Variants in EDA observed in about 807,000 individuals in gnomAD.
EDA encodes the protein ectodysplasin-A.
EDA carries 2 observed loss-of-function variants against 23.6 expected under a neutral mutation model. The observed-to-expected ratio is 0.08, with a 90% CI of 0.03 to 0.27. The LOEUF is 0.27. Ranked by LOEUF, EDA falls within the 10% of genes least tolerant of loss-of-function variation. The probability of loss-of-function intolerance (pLI) is 1.00; values close to 1 mark genes in which losing one functional copy is unlikely to be tolerated. For missense variants in EDA, 229 were observed against 324.2 expected, an observed-to-expected ratio of 0.71 and a Z score of 2.26; for synonymous variants, 131 against 132.0, an observed-to-expected ratio of 0.99 and a Z score of 0.05.
chrX:70,023,936 C>T (rs1470795212), intron 3 of EDA, among the ~76,000 whole-genome samples: 2 of 111,875 alleles, frequency 1.8e-5, no homozygotes, highest in African/African-American at 3.3e-5. Context: ...CCCCAGTGTA[C>T]TTGCAATGAA....
intron 1 of EDA, among the ~76,000 whole-genome samples, chrX:69,709,215 A>G (rs1225575512): frequency 8.9e-6 from 1 of 112,163 alleles, no homozygotes; most frequent in Non-Finnish European, 1.9e-5. Context: ...CAGCCAGTAT[A>G]GTCTGTTAAT....
chrX:70,015,624 C>T (rs1454539718), intron 2 of EDA, among the ~76,000 whole-genome samples: 1 of 111,381 alleles, frequency 9.0e-6, no homozygotes, highest in East Asian at 2.8e-4. Flanking sequence ...TCCAGCCAAA[C>T]TAAGCTTCAT....
At chrX:69,846,630 G>T (rs1159901567) in intron 1 of EDA, among the ~76,000 whole-genome samples, 2 of 111,369 alleles carry the variant, frequency 1.8e-5, no homozygotes, top group African/African-American at 3.3e-5. Context: ...CACCAAAAAG[G>T]GGGGGAAAAG....
rs967359144 is a variant in EDA at position 69,925,584 on chromosome X, A to T, written c.397-31443A>T. Among the ~76,000 whole-genome samples the T allele has an allele frequency of 7.2e-5, 8 of 111,312 alleles. No individual in the cohort carries two copies. The South Asian group carries it at 1.9e-3, about 27-fold the overall frequency. On this transcript the variant is annotated intron_variant, in intron 1 of 7. Coordinates refer to ENST00000374552, the MANE Select transcript of EDA (RefSeq NM_001399.5). ...TTTTATTGAGGATTTTTGCATCAAT[A>T]TTCATCAGGAATATTGGCCTGAAGT...
chrX:69,957,355 C>T (rs960519813), intron 2 of EDA: 1 of 359,288 alleles, frequency 2.8e-6, no homozygotes, highest in Non-Finnish European at 5.0e-6. Flanking sequence ...ATTAGCCGGG[C>T]CTAGTCCCAG....
At chrX:69,654,661 A>G (rs367719312) in intron 1 of EDA, among the ~76,000 whole-genome samples, 1 of 110,662 alleles carries the variant, frequency 9.0e-6, no homozygotes, top group Non-Finnish European at 1.9e-5. Context: ...CATGGATGAA[A>G]CTGGAAACCA....
chrX:69,842,954 C>T (rs907501729), intron 1 of EDA, among the ~76,000 whole-genome samples: 1 of 111,818 alleles, frequency 8.9e-6, no homozygotes, highest in Non-Finnish European at 1.9e-5. Context: ...GCTTCCTGTA[C>T]AAGCTGCAGA....
intron 1 of EDA, among the ~76,000 whole-genome samples, chrX:69,895,058 CTTT>C (rs2017991477): frequency 9.0e-6 from 1 of 110,920 alleles, no homozygotes; most frequent in African/African-American, 3.3e-5. Context: ...TCATACATGA[CTTT>C]TTATTATTTT....
intron 1 of EDA, among the ~76,000 whole-genome samples, chrX:69,703,989 T>G (rs1410021433): frequency 8.9e-6 from 1 of 112,136 alleles, no homozygotes; most frequent in African/African-American, 3.2e-5. Flanking sequence ...ATATATAGAG[T>G]TTGGTACTAC....
At chrX:69,667,892 G>A (rs189469658) in intron 1 of EDA, among the ~76,000 whole-genome samples, 1 of 111,913 alleles carries the variant, frequency 8.9e-6, no homozygotes, top group East Asian at 2.8e-4. Flanking sequence ...GCAAGATGGG[G>A]CCAAACTGGC....
At chrX:69,778,867 G>A (rs1025225835) in intron 1 of EDA, among the ~76,000 whole-genome samples, 1 of 111,349 alleles carries the variant, frequency 9.0e-6, no homozygotes, top group Non-Finnish European at 1.9e-5. Context: ...GTTAGCAAAC[G>A]TTTTCTTTAA....
intron 1 of EDA, among the ~76,000 whole-genome samples, chrX:69,633,481 A>G (rs1028454842): frequency 1.8e-5 from 2 of 111,785 alleles, no homozygotes; most frequent in African/African-American, 6.5e-5. Context: ...TTGCCCCCCA[A>G]AGAAACTGTA....
chrX:70,009,847 G>T (rs916273020), intron 2 of EDA, among the ~76,000 whole-genome samples: 1 of 111,659 alleles, frequency 9.0e-6, no homozygotes, highest in Admixed American at 9.5e-5. Context: ...TCAGCTTCCC[G>T]AAGTGCTACG....
chrX:69,631,336 C>A (rs1932572649), intron 1 of EDA, among the ~76,000 whole-genome samples: 1 of 103,630 alleles, frequency 9.6e-6, no homozygotes, highest in African/African-American at 3.6e-5. Context: ...GAGCCAAGAT[C>A]GCACCACTGC....
chrX:69,964,298 T>G (rs1054145618), intron 2 of EDA, among the ~76,000 whole-genome samples: 11 of 109,458 alleles, frequency 1.0e-4, no homozygotes, highest in African/African-American at 3.7e-4. Context: ...ATATAAGGAG[T>G]TTTTTTTTGA....
intron 1 of EDA, among the ~76,000 whole-genome samples, chrX:69,732,258 A>T: frequency 9.1e-6 from 1 of 110,038 alleles, no homozygotes; most frequent in East Asian, 2.9e-4. Flanking sequence ...CCCTTCCACC[A>T]CCCCACAACA....
chrX:69,918,517 A>G (rs1440816900), intron 1 of EDA, among the ~76,000 whole-genome samples: 2 of 112,275 alleles, frequency 1.8e-5, no homozygotes, highest in Admixed American at 9.5e-5. Flanking sequence ...AGAAATTGTT[A>G]TTCTGAAATC....
rs2019059966 is a variant in EDA, at chrX:69,958,902, A to G, written c.502+1770A>G. ...ATAATCCCTGGTTGCAAAGGAAGAG[A>G]GGAGACAGGTGGTAAGAGCAATATC... On this transcript the variant is annotated intron_variant, in intron 2 of 7. Coordinates refer to ENST00000374552, the MANE Select transcript of EDA (RefSeq NM_001399.5). Among the ~76,000 whole-genome samples the G allele has an allele frequency of 3.6e-5, 4 of 111,232 alleles. No homozygotes were observed. The South Asian group carries it at 1.5e-3, about 43-fold the overall frequency.
chrX:69,697,432 A>G (rs113986048), intron 1 of EDA, among the ~76,000 whole-genome samples: 1,803 of 111,184 alleles, frequency 0.016, 44 homozygotes, highest in African/African-American at 0.056. Context: ...ATTCCCATCT[A>G]TTTGGTTATA....
Sources: gnomAD v4.1 joint callset for allele counts (sites outside exome capture counted in the v4.1 genomes callset) on GRCh38, gnomAD v4.1.1 for gene constraint, MANE v1.5 for transcripts, NCBI Gene and HGNC (gene_info 2026-07-23, HGNC 2026-07-21) for gene names.